The following DIP2C variants were observed in gnomAD, a reference collection of about 807,000 sequenced individuals.
DIP2C encodes the protein DIP2 acetate--CoA ligase C (putative), also known as disco-interacting protein 2 homolog C.
DIP2C carries 33 observed loss-of-function variants against 192.4 expected under a neutral mutation model. The observed-to-expected ratio is 0.17, with a 90% CI of 0.13 to 0.23. The LOEUF (loss-of-function observed/expected upper bound fraction) is 0.23. Among genes scored for constraint, DIP2C ranks in the 10% least tolerant of loss-of-function variants. The probability of loss-of-function intolerance (pLI) is 1.00; values close to 1 mark genes in which losing one functional copy is unlikely to be tolerated. For missense variants in DIP2C, 1,537 were observed against 2,110.1 expected (o/e 0.73, Z 5.32); for synonymous variants, 979 against 864.1 (o/e 1.13, Z -2.33).
intron 1 of DIP2C, chr10:663,546 G>C (rs1039918138): frequency 1.4e-4 from 22 of 152,236 alleles, no homozygotes; most frequent in African/African-American, 5.1e-4. Flanking sequence ...GAAGCATTTA[G>C]AGGCATAAGT....
intron 1 of DIP2C, among the ~76,000 whole-genome samples, chr10:529,658 G>A (rs755709639): frequency 3.9e-5 from 6 of 152,182 alleles, no homozygotes; most frequent in South Asian, 4.1e-4. Flanking sequence ...ACCTGGCTCC[G>A]TTGCATCTTT....
Position 610,901 on chromosome 10 carries a change from G to C in DIP2C, c.85+78593C>G, listed in dbSNP as rs536510101. Among the ~76,000 whole-genome samples the C allele has an allele frequency of 5.2e-4, 77 of 147,770 alleles. No individual in the cohort carries two copies. The East Asian group carries it at 0.013, about 25-fold the overall frequency. On this transcript the variant is annotated intron_variant, in intron 1 of 36. Coordinates refer to ENST00000280886, the MANE Select transcript of DIP2C (RefSeq NM_014974.3). ...CCCCCAGTGTTGGAGGTGGGCCCTG[G>C]TGGGAGGTGACTGACTCATGGGGGT... is the stretch of plus-strand genomic sequence containing the variant.
At chr10:497,826 A>T (rs567728389) in intron 1 of DIP2C, among the ~76,000 whole-genome samples, 1 of 152,364 alleles carries the variant, frequency 6.6e-6, no homozygotes, top group African/African-American at 2.4e-5. Flanking sequence ...GCCAAAAAAA[A>T]TTAGCTATTT....
At chr10:566,737 T>C (rs1175392665) in intron 1 of DIP2C, among the ~76,000 whole-genome samples, 1 of 152,168 alleles carries the variant, frequency 6.6e-6, no homozygotes, top group African/African-American at 2.4e-5. Flanking sequence ...CCAAGCAGGG[T>C]ACAGCCGTGG....
chr10:418,927 G>C, intron 6 of DIP2C, 138 bp downstream of exon 6: 1 of 1,297,948 alleles, frequency 7.7e-7, no homozygotes. Flanking sequence ...TCCATGAGAG[G>C]CTCCCGAAGA....
intron 2 of DIP2C, among the ~76,000 whole-genome samples, chr10:475,136 C>T (rs1054085516): frequency 6.6e-6 from 1 of 152,172 alleles, no homozygotes; most frequent in African/African-American, 2.4e-5. Flanking sequence ...TGGAGCCTCC[C>T]AGTTTAATTT....
intron 1 of DIP2C, among the ~76,000 whole-genome samples, chr10:603,399 C>G (rs377210693): frequency 2.1e-5 from 3 of 145,302 alleles, no homozygotes; most frequent in East Asian, 4.3e-4. Context: ...AACCCTTATT[C>G]AAAGGTCGCC....
intron 8 of DIP2C, among the ~76,000 whole-genome samples, chr10:410,040 T>TCC (rs1168902563): frequency 2.0e-5 from 3 of 152,200 alleles, no homozygotes; most frequent in Non-Finnish European, 4.4e-5. Context: ...TTTAATCTTT[T>TCC]CCCTCTTTTA....
intron 3 of DIP2C, among the ~76,000 whole-genome samples, chr10:445,674 A>G (rs1252270474): frequency 4.4e-5 from 6 of 136,480 alleles, no homozygotes; most frequent in Admixed American, 4.2e-4. Flanking sequence ...TGAAGAGTCC[A>G]TCTTGCACTG....
chr10:284,249 A>C (rs1287064578), intron 34 of DIP2C, among the ~76,000 whole-genome samples: 2 of 152,216 alleles, frequency 1.3e-5, no homozygotes, highest in Non-Finnish European at 2.9e-5. Context: ...TACTGCACCC[A>C]CGTCCCCAGA....
At chr10:559,729 C>A in intron 1 of DIP2C, among the ~76,000 whole-genome samples, 1 of 152,142 alleles carries the variant, frequency 6.6e-6, no homozygotes, top group Non-Finnish European at 1.5e-5. Context: ...ACTCTTGCAC[C>A]ATGCACAAGC....
Position 390,858 on chromosome 10 carries a change from T to C in DIP2C, c.1266A>G (p.Ala422=). 6.2e-7 allele frequency: 1 copy of C among 1,613,936 alleles called. No individual in the cohort carries two copies. Among genetic ancestry groups the C allele is most frequent in the Admixed American group, 1.7e-5 (1 of 60,004 alleles). The change falls in exon 11 of 37, where the codon GCA becomes GCG. Residue 422 remains alanine (A), a synonymous_variant. Transcript: ENST00000280886. ...GCAAGAAACCTATCTGCTGGCTCCC[T>C]GCGTCCTGAGAGGGCAACAGAGAGG... ...PIEVPLTRKD[A]GSQQIGFLLG... is the part of the protein sequence containing the mutation.
At chr10:639,474 A>T (rs565750380) in intron 1 of DIP2C, among the ~76,000 whole-genome samples, 1 of 149,924 alleles carries the variant, frequency 6.7e-6, no homozygotes, top group Non-Finnish European at 1.5e-5. Context: ...CACGGTCCAC[A>T]CATGGGGATG....
chr10:374,718 A>G (rs1196991737), intron 17 of DIP2C, among the ~76,000 whole-genome samples: 1 of 152,242 alleles, frequency 6.6e-6, no homozygotes, highest in Non-Finnish European at 1.5e-5. Context: ...TGAGAAACTT[A>G]GATGATATTT....
chr10:311,837 A>G (rs1956579523), intron 31 of DIP2C, among the ~76,000 whole-genome samples: 1 of 152,216 alleles, frequency 6.6e-6, no homozygotes, highest in Admixed American at 6.5e-5. Context: ...GCAACAGAAG[A>G]GGGTGTAGCA....
chr10:678,679 G>A lies in DIP2C; in HGVS notation c.85+10815C>T, dbSNP rs183629685. ...GTCCTCCCTGTGCCCAGCTCCCCAC[G>A]CCCATGCTCCCCACACCCGTTCTCC... On this transcript the variant is annotated intron_variant, in intron 1 of 36. Transcript: ENST00000280886. Among the ~76,000 whole-genome samples, 40 of 6,768 alleles carry A rather than the reference G, an allele frequency of 5.9e-3. 5 individuals are homozygous for A. The highest frequency in any genetic ancestry group is 8.4e-3 in the African/African-American group (37 of 4,406). 4.4% of individuals were successfully genotyped at this position (6,768 alleles called of 152,430 possible).
At chr10:327,279 A>C in intron 30 of DIP2C, 103 bp from the exon 31 acceptor site, 7 of 1,366,440 alleles carry the variant, frequency 5.1e-6, no homozygotes, top group Non-Finnish European at 6.8e-6. Flanking sequence ...TGGAAAACTC[A>C]ACACAGCTAT....
chr10:346,763 G>A (rs1339799315), intron 26 of DIP2C, among the ~76,000 whole-genome samples: 3 of 123,276 alleles, frequency 2.4e-5, no homozygotes, highest in Non-Finnish European at 3.3e-5. Flanking sequence ...TAGTTCTCCC[G>A]GAAACGTCAC....
At chr10:459,472 G>T (rs1969575640) in intron 3 of DIP2C, among the ~76,000 whole-genome samples, 1 of 152,236 alleles carries the variant, frequency 6.6e-6, no homozygotes. Context: ...CTCACACATG[G>T]AAGTTCTTAG....
Sources: gnomAD v4.1 joint callset for allele counts (sites outside exome capture counted in the v4.1 genomes callset) on GRCh38, gnomAD v4.1.1 for gene constraint, MANE v1.5 for transcripts, NCBI Gene and HGNC (gene_info 2026-07-23, HGNC 2026-07-21) for gene names.